The following RELL1 variants were observed in gnomAD, a reference collection of about 807,000 sequenced individuals.
RELL1 encodes RELT like 1, also known as RELT-like protein 1.
In RELL1, 10 loss-of-function variants were observed where a neutral mutation model predicts 23.0. The observed-to-expected ratio is 0.43, with a 90% CI of 0.27 to 0.74. The LOEUF (loss-of-function observed/expected upper bound fraction) is 0.74, where lower values mean the gene tolerates loss of function less well. Ranked by LOEUF, RELL1 falls within the 30% of genes least tolerant of loss-of-function variation. The probability of loss-of-function intolerance (pLI) is 0.19; values close to 1 mark genes in which losing one functional copy is unlikely to be tolerated. For missense variants in RELL1, 315 were observed against 364.4 expected, an observed-to-expected ratio of 0.86 and a Z score of 1.10; for synonymous variants, 146 against 146.8, an observed-to-expected ratio of 0.99 and a Z score of 0.04.
intron 6 of RELL1, among the ~76,000 whole-genome samples, chr4:37,618,858 G>A (rs1719666149): frequency 6.6e-6 from 1 of 150,770 alleles, no homozygotes; most frequent in South Asian, 2.1e-4. Context: ...TTGTTTGGTT[G>A]GTTGGTCGTT....
intron 3 of RELL1, among the ~76,000 whole-genome samples, chr4:37,642,217 T>C (rs1340977157): frequency 1.3e-5 from 2 of 152,204 alleles, no homozygotes; most frequent in African/African-American, 4.8e-5. Context: ...AAACGAAGCC[T>C]GAAGGCAAAA....
intron 1 of RELL1, among the ~76,000 whole-genome samples, chr4:37,670,781 C>T (rs1721808125): frequency 6.6e-6 from 1 of 152,026 alleles, no homozygotes; most frequent in African/African-American, 2.4e-5. Context: ...ACCATGTTGG[C>T]CAAGATGATC....
chr4:37,610,318 A>G (rs1007986484), downstream of RELL1, among the ~76,000 whole-genome samples: 2 of 152,212 alleles, frequency 1.3e-5, no homozygotes, highest in Admixed American at 6.5e-5. The surrounding 1 kb of genome is among the most constrained non-coding windows in gnomAD (Gnocchi z 4.1). Flanking sequence ...TTAATAGACT[A>G]TAGTATAGTA....
chr4:37,590,412 CA>C (rs780803730), downstream of RELL1: 10 of 1,613,384 alleles, frequency 6.2e-6, no homozygotes, highest in Non-Finnish European at 7.6e-6. Flanking sequence ...CCCAGGATGA[CA>C]GGGGCTCCTG....
chr4:37,663,700 A>G (rs1560353704), intron 1 of RELL1, among the ~76,000 whole-genome samples: 1 of 152,188 alleles, frequency 6.6e-6, no homozygotes, highest in Non-Finnish European at 1.5e-5. Context: ...GACAGGATCC[A>G]ACCCAGACAA....
At chr4:37,638,949 A>G (rs1009483970) in intron 3 of RELL1, among the ~76,000 whole-genome samples, 1 of 152,224 alleles carries the variant, frequency 6.6e-6, no homozygotes, top group Admixed American at 6.5e-5. Context: ...AATAACTTGT[A>G]TGTGCCAAAA....
At chr4:37,680,128 A>G (rs1482077757) in intron 1 of RELL1, among the ~76,000 whole-genome samples, 1 of 152,248 alleles carries the variant, frequency 6.6e-6, no homozygotes, top group Non-Finnish European at 1.5e-5. Flanking sequence ...TCAACCTGAT[A>G]GTTACCAACC....
At chr4:37,605,663 G>T (rs1042100149), downstream of RELL1, among the ~76,000 whole-genome samples, 3 of 151,508 alleles carry the variant, frequency 2.0e-5, no homozygotes, top group East Asian at 5.8e-4. Context: ...AACCACTTGA[G>T]CCTGGGAGGC....
chr4:37,586,488 A>G (rs768875328), downstream of RELL1, among the ~76,000 whole-genome samples: 4 of 152,208 alleles, frequency 2.6e-5, no homozygotes, highest in Non-Finnish European at 5.9e-5. Context: ...GGACTCTTCT[A>G]CATTCCATGA....
downstream of RELL1, among the ~76,000 whole-genome samples, chr4:37,605,822 A>G (rs1719187758): frequency 1.6e-5 from 2 of 122,934 alleles, no homozygotes; most frequent in African/African-American, 5.1e-5. Flanking sequence ...AAAGAAAGAA[A>G]GAAAGAAAGA....
intron 1 of RELL1, among the ~76,000 whole-genome samples, chr4:37,675,468 C>A (rs1236688370): frequency 6.6e-6 from 1 of 152,186 alleles, no homozygotes; most frequent in Non-Finnish European, 1.5e-5. Flanking sequence ...CTGCTCCACA[C>A]AGTGGTTGCA....
intron 1 of RELL1, among the ~76,000 whole-genome samples, chr4:37,657,762 GAT>G (rs1271491307): frequency 1.3e-5 from 2 of 152,150 alleles, no homozygotes; most frequent in East Asian, 3.9e-4. Context: ...CAAAAAATAA[GAT>G]AGCTAGGAGT....
intron 1 of RELL1, among the ~76,000 whole-genome samples, chr4:37,661,184 T>C (rs1721342810): frequency 6.6e-6 from 1 of 152,200 alleles, no homozygotes; most frequent in Non-Finnish European, 1.5e-5. Context: ...CTCTCAGTCC[T>C]ACTTTGGTAG....
At chr4:37,664,895 T>C (rs1043488369) in intron 1 of RELL1, among the ~76,000 whole-genome samples, 5 of 152,016 alleles carry the variant, frequency 3.3e-5, no homozygotes, top group Non-Finnish European at 5.9e-5. Context: ...CACTCAGACA[T>C]ACCACGGTCA....
At chr4:37,645,311 C>A (rs1370478816) in intron 3 of RELL1, among the ~76,000 whole-genome samples, 1 of 152,158 alleles carries the variant, frequency 6.6e-6, no homozygotes, top group Non-Finnish European at 1.5e-5. Context: ...GTCATCCATG[C>A]CTTACACTGC....
At chr4:37,619,253 G>C (rs1322201425) in intron 6 of RELL1, among the ~76,000 whole-genome samples, 1 of 145,254 alleles carries the variant, frequency 6.9e-6, no homozygotes, top group African/African-American at 2.6e-5. Flanking sequence ...CGCAATCTCG[G>C]CTCACTGCAA....
intron 1 of RELL1, among the ~76,000 whole-genome samples, chr4:37,666,879 T>C (rs919277644): frequency 6.6e-6 from 1 of 152,050 alleles, no homozygotes; most frequent in African/African-American, 2.4e-5. Flanking sequence ...ACAGGTTAGG[T>C]CGGGCAATGT....
At chr4:37,592,391 A>G (rs1416499704) in intron 6 of RELL1, among the ~76,000 whole-genome samples, 1 of 149,286 alleles carries the variant, frequency 6.7e-6, no homozygotes, top group East Asian at 2.0e-4. Flanking sequence ...CTACAAAATT[A>G]TACTCAAGGA....
intron 6 of RELL1, among the ~76,000 whole-genome samples, chr4:37,595,691 G>A (rs1241996948): frequency 4.6e-5 from 7 of 151,920 alleles, no homozygotes; most frequent in African/African-American, 1.7e-4. Flanking sequence ...AGACTACCCT[G>A]CTCTATTTGA....
Sources: allele counts gnomAD v4.1 joint callset (sites outside exome capture counted in the v4.1 genomes callset), GRCh38; gene constraint gnomAD v4.1.1; non-coding constraint Gnocchi (gnomAD v3.1); transcripts MANE v1.5; gene names NCBI Gene and HGNC (gene_info 2026-07-23, HGNC 2026-07-21).